Variants in AKR1C4 observed in about 807,000 individuals in gnomAD.
The protein encoded by AKR1C4 is 3-alpha-HSD1.
In AKR1C4, 44 loss-of-function variants were observed where a neutral mutation model predicts 41.0. The observed-to-expected ratio is 1.07, with a 90% CI of 0.84 to 1.38. The LOEUF is 1.38. Among genes scored for constraint, AKR1C4 ranks in the 40% most tolerant of loss-of-function variants. The pLI is 0.00. For missense variants in AKR1C4, 438 were observed against 387.9 expected, an observed-to-expected ratio of 1.13 and a Z score of -1.09; for synonymous variants, 165 against 137.7, an observed-to-expected ratio of 1.20 and a Z score of -1.39.
At chr10:5,203,744 A>G (rs1832439443) in intron 2 of AKR1C4, among the ~76,000 whole-genome samples, 2 of 152,208 alleles carry the variant, frequency 1.3e-5, no homozygotes, top group Non-Finnish European at 2.9e-5. Flanking sequence ...AGGCATGCTA[A>G]CACTGCCTCC....
chr10:5,206,140 AATTTTTTC>A, intron 4 of AKR1C4, 127 bp from the exon 5 acceptor site: 1 of 1,459,990 alleles, frequency 6.8e-7, no homozygotes, highest in Non-Finnish European at 9.2e-7. Context: ...TATCTGTTGT[AATTTTTTC>A]TCTTGAGAAT....
intron 5 of AKR1C4, among the ~76,000 whole-genome samples, chr10:5,209,371 A>G (rs1832535627): frequency 6.6e-6 from 1 of 152,136 alleles, no homozygotes; most frequent in Non-Finnish European, 1.5e-5. Flanking sequence ...TTCAATTTTA[A>G]CTACAAGTTT....
chr10:5,200,032 G>T, intron 1 of AKR1C4, 149 bp from the exon 2 acceptor site: 1 of 955,460 alleles, frequency 1.0e-6, no homozygotes, highest in Non-Finnish European at 1.5e-6. Context: ...GCCCCCATCT[G>T]TATGCTCCCC....
At chr10:5,210,271 C>A (rs367714755) in intron 5 of AKR1C4, among the ~76,000 whole-genome samples, 5 of 152,220 alleles carry the variant, frequency 3.3e-5, no homozygotes, top group African/African-American at 1.2e-4. Flanking sequence ...TTCCTATGTT[C>A]TTGGGCAGCT....
chr10:5,217,803 T>C (rs1325554620), intron 8 of AKR1C4, among the ~76,000 whole-genome samples: 2 of 152,186 alleles, frequency 1.3e-5, no homozygotes, highest in East Asian at 3.9e-4. Flanking sequence ...AGTCCCATCT[T>C]TGGGGATAAT....
chr10:5,214,911 G>T (rs1454063118), intron 7 of AKR1C4, among the ~76,000 whole-genome samples: 2 of 152,072 alleles, frequency 1.3e-5, no homozygotes, highest in Non-Finnish European at 2.9e-5. Context: ...CCCTCTTCAA[G>T]AAACTATTTG....
intron 5 of AKR1C4, among the ~76,000 whole-genome samples, chr10:5,208,805 T>C (rs569078076): frequency 6.6e-6 from 1 of 151,406 alleles, no homozygotes; most frequent in African/African-American, 2.5e-5. Context: ...CCATAAGATA[T>C]TAAGTACCTG....
intron 3 of AKR1C4, among the ~76,000 whole-genome samples, chr10:5,205,204 C>A (rs1296105077): frequency 6.6e-6 from 1 of 152,176 alleles, no homozygotes; most frequent in African/African-American, 2.4e-5. Context: ...GGATTTTTGT[C>A]CCAGCCTTTT....
intron 5 of AKR1C4, chr10:5,207,274 T>C: frequency 8.3e-6 from 2 of 239,800 alleles, no homozygotes; most frequent in South Asian, 1.2e-4. Context: ...AACTGTTTTA[T>C]ACAGGCTGCT....
chr10:5,206,548 T>A (rs1184128632), intron 5 of AKR1C4, 151 bp downstream of exon 5: 68 of 1,367,966 alleles, frequency 5.0e-5, no homozygotes, highest in Non-Finnish European at 6.6e-5. Flanking sequence ...GGAAGACCCT[T>A]AATTGCACCT....
intron 2 of AKR1C4, among the ~76,000 whole-genome samples, chr10:5,201,009 T>A (rs559634843): frequency 6.6e-6 from 1 of 152,298 alleles, no homozygotes; most frequent in Admixed American, 6.5e-5. Context: ...CATGCATTGG[T>A]TGATGGGCAC....
At chr10:5,202,823 A>T (rs1564400825) in intron 2 of AKR1C4, among the ~76,000 whole-genome samples, 1 of 152,048 alleles carries the variant, frequency 6.6e-6, no homozygotes, top group Non-Finnish European at 1.5e-5. Flanking sequence ...CACCTATGGG[A>T]TGAAACCCAC....
In AKR1C4 at chr10:5,205,750, A is replaced by C; in HGVS notation, c.370-7A>C. On this transcript the variant is annotated splice_polypyrimidine_tract_variant and splice_region_variant and intron_variant, in intron 3 of 8. Transcript: ENST00000263126. ...TGGTGACACTAAAGTGACTGCTTCT[A>C]CTTCAGCCAGGTGAGACGCCACTAC... The C allele has an allele frequency of 6.2e-7, 1 of 1,612,560 alleles. No individual in the cohort carries two copies. The highest frequency in any genetic ancestry group is 1.1e-5 in the South Asian group (1 of 90,942).
At chr10:5,206,158 T>A (rs1269078887) in intron 4 of AKR1C4, 117 bp from the exon 5 acceptor site, 1 of 1,519,130 alleles carries the variant, frequency 6.6e-7, no homozygotes, top group Non-Finnish European at 8.9e-7. Flanking sequence ...CTCTTGAGAA[T>A]CACTGCTATT....
Position 5,213,082 on chromosome 10 carries a change from C to A in AKR1C4, c.769C>A (p.Leu257Met). 6.2e-7 allele frequency: 1 copy of A among 1,614,134 alleles called. No individual in the cohort carries two copies. The highest frequency in any genetic ancestry group is 8.5e-7 in the Non-Finnish European group (1 of 1,180,016). Residue 257 changes from leucine to methionine, a missense_variant, in exon 7 of 9, where the codon CTG becomes ATG. Leu to Met is a conservative substitution (Grantham distance 15, BLOSUM62 2). Coordinates refer to ENST00000263126, the MANE Select transcript of AKR1C4 (RefSeq NM_001818.5). ...KHKQTPALIA[L>M]RYQLQRGVVV... ...CAAACAAACCCCAGCCCTGATTGCCCTGCGCTACCAGCTGCAGCGTGGGGT... is the reference window on the plus strand; with the variant it reads ...CAAACAAACCCCAGCCCTGATTGCCATGCGCTACCAGCTGCAGCGTGGGGT...
chr10:5,203,561 C>T (rs1280285471), intron 2 of AKR1C4, among the ~76,000 whole-genome samples: 1 of 152,226 alleles, frequency 6.6e-6, no homozygotes, highest in Non-Finnish European at 1.5e-5. Flanking sequence ...CTCCCCTTCT[C>T]ACACTCTGGG....
intron 5 of AKR1C4, 78 bp downstream of exon 5, chr10:5,206,475 T>G: frequency 1.3e-6 from 2 of 1,598,054 alleles, no homozygotes; most frequent in African/African-American, 1.3e-5. Flanking sequence ...CCATTTGTTT[T>G]GTTCCACTTA....
intron 5 of AKR1C4, 40 bp from the exon 6 acceptor site, chr10:5,212,576 T>C (rs1832592366): frequency 1.3e-6 from 2 of 1,541,290 alleles, no homozygotes; most frequent in Admixed American, 1.8e-5. Context: ...ACATATCTGT[T>C]TTGAATTATC....
At chr10:5,215,390 A>G (rs190595516) in intron 7 of AKR1C4, among the ~76,000 whole-genome samples, 1 of 152,286 alleles carries the variant, frequency 6.6e-6, no homozygotes, top group East Asian at 1.9e-4. Flanking sequence ...TGTAAAAAAA[A>G]TACTTGATGC....
Sources: allele counts gnomAD v4.1 joint callset (sites outside exome capture counted in the v4.1 genomes callset), GRCh38; gene constraint gnomAD v4.1.1; transcripts MANE v1.5; gene names NCBI Gene and HGNC (gene_info 2026-07-23, HGNC 2026-07-21).